Variants in PLCH1 observed in about 807,000 individuals in gnomAD.
PLCH1 encodes phospholipase C eta 1.
In PLCH1, 60 loss-of-function variants were observed where a neutral mutation model predicts 126.7. The ratio of observed to expected loss-of-function variants is 0.47; its 90% CI spans 0.38 to 0.59. PLCH1 has a LOEUF of 0.59. Among genes scored for constraint, PLCH1 ranks in the 20% least tolerant of loss-of-function variants. The pLI is 0.00. For synonymous variants in PLCH1, 719 were observed against 734.9 expected (o/e 0.98, Z 0.35); for missense variants, 1,723 against 2,040.0 (o/e 0.84, Z 2.99).
intron 3 of PLCH1, among the ~76,000 whole-genome samples, chr3:155,595,373 C>T (rs574183604): frequency 1.3e-5 from 2 of 152,202 alleles, no homozygotes; most frequent in South Asian, 4.1e-4. Context: ...TTATATACAC[C>T]ATCTACCCCT....
intron 2 of PLCH1, among the ~76,000 whole-genome samples, chr3:155,695,552 T>A (rs1276710380): frequency 6.6e-6 from 1 of 152,274 alleles, no homozygotes; most frequent in Non-Finnish European, 1.5e-5. Flanking sequence ...AGCAATATTT[T>A]ATTGAGCACC....
chr3:155,676,378 C>T, intron 2 of PLCH1: 1 of 1,039,310 alleles, frequency 9.6e-7, no homozygotes, highest in African/African-American at 1.7e-5. Flanking sequence ...ATGAGACATG[C>T]ATGCTTCGTG....
In PLCH1 at chr3:155,481,989, G is replaced by A. The variant is rs1714144300; in HGVS notation, c.4037C>T (p.Ser1346Phe). ...VIADPTLCFN[S>F]GESSLVEIDG... Reference sequence around the variant, plus strand: ...AATTTCCACAAGGCTGCTCTCCCCAGAATTGAAACAGAGAGTGGGATCAGC... The same window carrying A: ...AATTTCCACAAGGCTGCTCTCCCCAAAATTGAAACAGAGAGTGGGATCAGC... Residue 1346 changes from serine (S) to phenylalanine (F), a missense_variant, in exon 23 of 23, where the codon TCT becomes TTT. Coordinates refer to ENST00000460012, the MANE Select transcript of PLCH1 (RefSeq NM_014996.4). The surrounding 1 kb of genome is among the most constrained non-coding windows in gnomAD (Gnocchi z 4.2). 2 of 1,614,046 alleles carry A rather than the reference G, an allele frequency of 1.2e-6. No homozygotes were observed. The highest frequency in any genetic ancestry group is 2.7e-5 in the African/African-American group (2 of 74,916).
At chr3:155,466,184 C>A (rs1712924130) in intron 21 of PLCH1, among the ~76,000 whole-genome samples, 2 of 152,316 alleles carry the variant, frequency 1.3e-5, no homozygotes, top group South Asian at 4.1e-4. Flanking sequence ...TTAGGTGAGA[C>A]TCAGCACTGT....
At chr3:155,717,083 C>G (rs1747575576) in intron 1 of PLCH1, among the ~76,000 whole-genome samples, 1 of 152,262 alleles carries the variant, frequency 6.6e-6, no homozygotes, top group Non-Finnish European at 1.5e-5. Flanking sequence ...CCCAGCAGGG[C>G]AGTCATCAAA....
intron 12 of PLCH1, among the ~76,000 whole-genome samples, chr3:155,513,862 C>T (rs1180382232): frequency 1.3e-5 from 2 of 152,150 alleles, no homozygotes; most frequent in African/African-American, 4.8e-5. Context: ...AGGACACTTA[C>T]CCATGGCCAC....
chr3:155,469,218 C>A (rs995626033), intron 21 of PLCH1, among the ~76,000 whole-genome samples: 1 of 152,100 alleles, frequency 6.6e-6, no homozygotes, highest in Non-Finnish European at 1.5e-5. Context: ...AGTGGGTGTG[C>A]GCACCGTGTG....
chr3:155,478,331 G>T (rs1291862365), downstream of PLCH1, among the ~76,000 whole-genome samples: 1 of 152,104 alleles, frequency 6.6e-6, no homozygotes, highest in East Asian at 1.9e-4. Context: ...CCTACTATGT[G>T]ATAGCACAAC....
rs1178638135 is a variant in PLCH1, at chr3:155,542,179, C to A, written c.1362+7608G>T. Among the ~76,000 whole-genome samples, 7 of 152,186 alleles carry A rather than the reference C, an allele frequency of 4.6e-5. No individual in the cohort carries two copies. The East Asian group carries it at 1.4e-3, about 29-fold the overall frequency. On this transcript the variant is annotated intron_variant, in intron 10 of 22. Coordinates refer to ENST00000460012, the MANE Select transcript of PLCH1 (RefSeq NM_014996.4). Reference sequence around the variant, plus strand: ...CACCTGGAAAATCGGGTCACTCCCACCCCAATACTGCGCTTTTCCGACGGG... The same window carrying A: ...CACCTGGAAAATCGGGTCACTCCCAACCCAATACTGCGCTTTTCCGACGGG...
chr3:155,487,173 A>T (rs1175059947), intron 21 of PLCH1: 1 of 152,222 alleles, frequency 6.6e-6, no homozygotes, highest in African/African-American at 2.4e-5. Context: ...AATAACATTA[A>T]TATTAGCCAA....
intron 10 of PLCH1, among the ~76,000 whole-genome samples, chr3:155,530,696 T>A (rs1722556161): frequency 6.6e-6 from 1 of 152,212 alleles, no homozygotes; most frequent in African/African-American, 2.4e-5. Flanking sequence ...TCTAAACTCC[T>A]GCTAATAATC....
intron 11 of PLCH1, among the ~76,000 whole-genome samples, chr3:155,518,937 G>C (rs1281820717): frequency 1.3e-5 from 2 of 152,180 alleles, no homozygotes; most frequent in Non-Finnish European, 2.9e-5. Flanking sequence ...AGCCGATCCA[G>C]AGCTGGTAAA....
chr3:155,501,950 T>C (rs1717966339), intron 13 of PLCH1, among the ~76,000 whole-genome samples: 9 of 151,956 alleles, frequency 5.9e-5, no homozygotes, highest in Admixed American at 5.9e-4. Flanking sequence ...AGGGAAAGGG[T>C]CTCCATCCCC....
At chr3:155,566,274 T>C (rs1361931235) in intron 7 of PLCH1, among the ~76,000 whole-genome samples, 1 of 70,168 alleles carries the variant, frequency 1.4e-5, no homozygotes, top group South Asian at 3.7e-4. Context: ...TATATATACA[T>C]ATATACATAT....
intron 2 of PLCH1, among the ~76,000 whole-genome samples, chr3:155,600,156 G>C (rs1443904374): frequency 6.6e-6 from 1 of 152,220 alleles, no homozygotes; most frequent in Admixed American, 6.5e-5. Flanking sequence ...AGTTGACAAT[G>C]CCTTGTAATT....
At position 155,492,955 on chromosome 3, in the gene PLCH1, G is replaced by A. The variant is rs1319499752; in HGVS notation, c.2183-102C>T. The A allele has an allele frequency of 4.1e-6, 4 of 972,120 alleles. 1 individual carries two copies. Among genetic ancestry groups the A allele is most frequent in the Non-Finnish European group, 5.8e-6 (4 of 691,878 alleles). 60.2% of individuals were successfully genotyped at this position (972,120 alleles called of 1,614,324 possible). A position where few individuals can be genotyped will look rare whatever the true frequency, so the allele number is the denominator to read the frequency against. On this transcript the variant is annotated intron_variant, in intron 17 of 22. Coordinates refer to ENST00000460012, the MANE Select transcript of PLCH1 (RefSeq NM_014996.4). ...AAACAAACAAACAAAAACAAATGCT[G>A]AATTACATGATCACATAACTATCAG...
Position 155,650,937 on chromosome 3 carries a change from G to T in PLCH1, c.79+53209C>A, listed in dbSNP as rs532768358. On this transcript the variant is annotated intron_variant, in intron 2 of 22. Transcript: ENST00000460012. The stretch of plus-strand genomic sequence containing the variant: ...CCTGCAGTCCCAGCTACTAGGGAGG[G>T]TCAGGCAGGAGAATCGCTTGAATCT... 5.9e-5 allele frequency among the ~76,000 whole-genome samples: 9 copies of T among 152,136 alleles called. No homozygotes were observed. The South Asian group carries it at 1.7e-3, about 28-fold the overall frequency.
In PLCH1 at chr3:155,482,728, T is replaced by C; in HGVS notation, c.3298A>G (p.Lys1100Glu). ...AAGTCCTCAGGATTACCCTTTTCCT[T>C]GATTTTCACACCATGCAGATCTTGT... ...PTQDLHGVKI[K>E]EKGNPEDFVE... The change falls in exon 23 of 23, where the codon AAG becomes GAG. Residue 1100 changes from lysine to glutamate, a missense_variant. This residue lies in a region of PLCH1 where 947 missense variants were observed against 977.1 expected (regional missense o/e 0.97). Transcript: ENST00000460012. 1 of 1,614,200 alleles carries C rather than the reference T, an allele frequency of 6.2e-7. No individual in the cohort carries two copies. Among genetic ancestry groups the C allele is most frequent in the East Asian group, 2.2e-5 (1 of 44,884 alleles).
At position 155,500,710 on chromosome 3, in the gene PLCH1, GC is replaced by G; in HGVS notation, c.1788del (p.Gln596HisfsTer12). On this transcript the variant is annotated frameshift_variant, in exon 14 of 23. Coordinates refer to ENST00000460012, the MANE Select transcript of PLCH1 (RefSeq NM_014996.4). LOFTEE classifies it high-confidence loss of function. ...TQQSTGKEGG[Q>X]LYRLGRRRKT... is the part of the protein sequence containing the mutation. ...ATGGAGATGCTTTCTTACCTGTACA[GC>G]TGGCCACCCTCCTTGCCAGTACTCT... 6.2e-7 allele frequency: 1 copy of G among 1,602,888 alleles called. No homozygotes were observed. Among genetic ancestry groups the G allele is most frequent in the Non-Finnish European group, 8.5e-7 (1 of 1,169,820 alleles).
Sources: allele counts gnomAD v4.1 joint callset (sites outside exome capture counted in the v4.1 genomes callset), GRCh38; gene constraint gnomAD v4.1.1; regional missense constraint gnomAD v4.1.1; non-coding constraint Gnocchi (gnomAD v3.1); transcripts MANE v1.5; gene names NCBI Gene and HGNC (gene_info 2026-07-23, HGNC 2026-07-21).